The following ELF1 variants were observed in gnomAD, a reference collection of about 807,000 sequenced individuals.
ELF1 encodes the protein ETS-related transcription factor Elf-1.
In ELF1, 24 loss-of-function variants were observed where a neutral mutation model predicts 59.9. The ratio of observed to expected loss-of-function variants is 0.40; its 90% CI spans 0.29 to 0.56. The LOEUF (loss-of-function observed/expected upper bound fraction) is 0.56, where lower values mean the gene tolerates loss of function less well. Ranked by LOEUF, ELF1 falls within the 20% of genes least tolerant of loss-of-function variation. ELF1 has a pLI of 0.44. For missense variants in ELF1, 627 were observed against 742.2 expected, an observed-to-expected ratio of 0.84 and a Z score of 1.80; for synonymous variants, 248 against 266.2, an observed-to-expected ratio of 0.93 and a Z score of 0.67.
chr13:41,047,508 C>G (rs781644305), intron 1 of ELF1, among the ~76,000 whole-genome samples: 6 of 152,244 alleles, frequency 3.9e-5, no homozygotes, highest in Non-Finnish European at 8.8e-5. Flanking sequence ...TCAGGACCCT[C>G]AGGCTGCAGG....
At chr13:41,058,900 G>T (rs1193615332) in intron 1 of ELF1, among the ~76,000 whole-genome samples, 1 of 152,218 alleles carries the variant, frequency 6.6e-6, no homozygotes, top group African/African-American at 2.4e-5. Context: ...TTGAATCCGG[G>T]AGGCGGAGGT....
chr13:41,013,107 A>T (rs931683769), intron 1 of ELF1, among the ~76,000 whole-genome samples: 10 of 152,166 alleles, frequency 6.6e-5, no homozygotes, highest in Admixed American at 3.3e-4. Flanking sequence ...CCATCTGTTT[A>T]GGGTCCTGGA....
chr13:41,013,963 T>C (rs1261518034), intron 1 of ELF1, among the ~76,000 whole-genome samples: 1 of 152,100 alleles, frequency 6.6e-6, no homozygotes, highest in Non-Finnish European at 1.5e-5. Context: ...ATTTTTAAAA[T>C]TGTACCATGT....
intron 8 of ELF1, among the ~76,000 whole-genome samples, chr13:40,937,854 G>A (rs751445454): frequency 6.6e-6 from 1 of 151,728 alleles, no homozygotes; most frequent in Admixed American, 6.6e-5. Context: ...TCACTCTGTA[G>A]CCCCAGCTGG....
intron 1 of ELF1, among the ~76,000 whole-genome samples, chr13:41,002,811 T>C (rs1874539611): frequency 6.6e-6 from 1 of 152,126 alleles, no homozygotes; most frequent in Non-Finnish European, 1.5e-5. Flanking sequence ...ATGTATGCTA[T>C]AGCAGAAGTG....
At chr13:41,016,734 G>A (rs1875384326) in intron 1 of ELF1, among the ~76,000 whole-genome samples, 1 of 151,066 alleles carries the variant, frequency 6.6e-6, no homozygotes, top group African/African-American at 2.4e-5. Flanking sequence ...AACCAACATG[G>A]AGAAACCCTG....
intron 2 of ELF1, among the ~76,000 whole-genome samples, chr13:40,974,208 G>C (rs1289351164): frequency 1.3e-5 from 2 of 152,014 alleles, no homozygotes; most frequent in Admixed American, 1.3e-4. Flanking sequence ...TTTTTTAAAA[G>C]GTACATATAC....
In ELF1 at chr13:41,047,821, T is replaced by A. The variant is rs147348896; in HGVS notation, c.-229+13017A>T. 7.3e-3 allele frequency among the ~76,000 whole-genome samples: 1,115 copies of A among 152,312 alleles called. 52 individuals are homozygous for A. The East Asian group carries it at 0.13, about 17-fold the overall frequency. ...CTTCAAAGCTGTCAGACAGGGACAT[T>A]TAAGTCTGCAGAGGTTTCTGCTGCC... On this transcript the variant is annotated intron_variant, in intron 1 of 1. Coordinates refer to the ELF1 transcript ENST00000405737.
intron 1 of ELF1, among the ~76,000 whole-genome samples, chr13:41,033,426 T>G (rs895976950): frequency 1.3e-5 from 2 of 152,210 alleles, no homozygotes; most frequent in Admixed American, 6.5e-5. Flanking sequence ...ATGAACAAGC[T>G]GCAGTACATC....
At position 40,967,895 on chromosome 13, in the gene ELF1, TTTTG is replaced by T. The variant is rs539033109; in HGVS notation, c.73-8883_73-8880del. Among the ~76,000 whole-genome samples, 65 of 152,256 alleles carry T rather than the reference TTTTG, an allele frequency of 4.3e-4. No individual in the cohort carries two copies. In the South Asian group the frequency reaches 0.012, roughly 28 times the overall value. Reference sequence around the variant, plus strand: ...GGTGTGAGCCACCATGCCTTGTCCTTTTTGTTTATTAATTATTTTTTGCTTTATT... The same window carrying T: ...GGTGTGAGCCACCATGCCTTGTCCTTTTTATTAATTATTTTTTGCTTTATT... On this transcript the variant is annotated intron_variant, in intron 2 of 8. Transcript: ENST00000239882.
At chr13:40,982,922 A>G (rs1593378273) in intron 1 of ELF1, 1 of 970,546 alleles carries the variant, frequency 1.0e-6, no homozygotes, top group Non-Finnish European at 1.2e-6. Flanking sequence ...TATCTCTAGT[A>G]TAGGCTTGCA....
intron 5 of ELF1, among the ~76,000 whole-genome samples, chr13:40,945,478 C>T (rs1393671577): frequency 1.3e-5 from 2 of 152,120 alleles, no homozygotes; most frequent in African/African-American, 4.8e-5. Context: ...TGTAGTTTCT[C>T]CCCGGTCGGC....
At chr13:41,019,052 C>T (rs1875579302) in intron 1 of ELF1, among the ~76,000 whole-genome samples, 176 bp downstream of exon 1, 1 of 152,192 alleles carries the variant, frequency 6.6e-6, no homozygotes. Flanking sequence ...TCCAGAATTT[C>T]AGTGCTTTGT....
chr13:41,003,897 T>C (rs1022011428), intron 1 of ELF1, among the ~76,000 whole-genome samples: 38 of 152,144 alleles, frequency 2.5e-4, no homozygotes, highest in African/African-American at 9.2e-4. Flanking sequence ...AAAAACAAAC[T>C]GGGGGTGGGT....
intron 5 of ELF1, among the ~76,000 whole-genome samples, chr13:40,945,311 T>TG (rs2138141824): frequency 6.6e-6 from 1 of 152,320 alleles, no homozygotes; most frequent in African/African-American, 2.4e-5. Context: ...AAGGTGGTAA[T>TG]GTACAAAGCT....
At chr13:40,988,512 T>C (rs964543610) in intron 1 of ELF1, among the ~76,000 whole-genome samples, 1 of 152,220 alleles carries the variant, frequency 6.6e-6, no homozygotes, top group Non-Finnish European at 1.5e-5. Flanking sequence ...TAAAATGCTT[T>C]TATATATTAT....
intron 1 of ELF1, among the ~76,000 whole-genome samples, chr13:40,995,216 G>A (rs2078925801): frequency 6.6e-6 from 1 of 152,052 alleles, no homozygotes; most frequent in African/African-American, 2.4e-5. Context: ...CTCTATTCTA[G>A]CCCCACTCCA....
chr13:41,008,490 G>C (rs1416000269), intron 1 of ELF1, among the ~76,000 whole-genome samples: 1 of 151,986 alleles, frequency 6.6e-6, no homozygotes, highest in African/African-American at 2.4e-5. Context: ...TTTCTGATGA[G>C]ACTGGTGTGA....
At chr13:40,948,832 G>A (rs770576912) in intron 5 of ELF1, among the ~76,000 whole-genome samples, 1 of 152,152 alleles carries the variant, frequency 6.6e-6, no homozygotes, top group Non-Finnish European at 1.5e-5. Flanking sequence ...GGTACAGACT[G>A]GAGGCTTTCA....
Sources: gnomAD v4.1 joint callset for allele counts (sites outside exome capture counted in the v4.1 genomes callset) on GRCh38, gnomAD v4.1.1 for gene constraint, MANE v1.5 for transcripts, NCBI Gene and HGNC (gene_info 2026-07-23, HGNC 2026-07-21) for gene names.